SYNRG: variants seen among roughly 807,000 people sequenced by gnomAD.
The protein encoded by SYNRG is synergin gamma, also known as AP1 gamma subunit binding protein 1.
SYNRG carries 37 observed loss-of-function variants against 130.9 expected under a neutral mutation model. The ratio of observed to expected loss-of-function variants is 0.28; its 90% CI spans 0.22 to 0.37. The LOEUF (loss-of-function observed/expected upper bound fraction) is 0.37. Among genes scored for constraint, SYNRG ranks in the 10% least tolerant of loss-of-function variants. The pLI, the probability that SYNRG is intolerant of heterozygous loss-of-function variation, is 1.00. For synonymous variants in SYNRG, 539 were observed against 568.1 expected, an observed-to-expected ratio of 0.95 and a Z score of 0.73; for missense variants, 1,338 against 1,588.9, an observed-to-expected ratio of 0.84 and a Z score of 2.68.
At chr17:37,606,010 G>A (rs901067502) in intron 1 of SYNRG, 12 of 984,864 alleles carry the variant, frequency 1.2e-5, no homozygotes, top group African/African-American at 3.5e-5. Context: ...GGACCATTAC[G>A]CAATAATTAA....
At chr17:37,562,179 C>T (rs2059583960) in intron 11 of SYNRG, among the ~76,000 whole-genome samples, 1 of 152,178 alleles carries the variant, frequency 6.6e-6, no homozygotes, top group South Asian at 2.1e-4. Flanking sequence ...TGATAAGCTG[C>T]CATAGAGTTA....
At chr17:37,540,172 AT>A (rs1478033477) in intron 16 of SYNRG, among the ~76,000 whole-genome samples, 23 of 152,196 alleles carry the variant, frequency 1.5e-4, no homozygotes, top group Admixed American at 6.5e-5. Flanking sequence ...AGGGTCACTG[AT>A]TAGTTTCAGT....
At chr17:37,586,071 G>A (rs965580525) in intron 4 of SYNRG, among the ~76,000 whole-genome samples, 4 of 152,078 alleles carry the variant, frequency 2.6e-5, no homozygotes, top group Non-Finnish European at 5.9e-5. Flanking sequence ...ACGGCTGACT[G>A]CAGCCTCAAC....
rs1198179384 is a variant in SYNRG at position 37,561,452 on chromosome 17, G to T, written c.1600+19C>A. Reference sequence around the variant, plus strand: ...TGCAATTTAGCATTCACAAGTTTATGAATTTACCAACTTTTTACCTCCAGG... The same window carrying T: ...TGCAATTTAGCATTCACAAGTTTATTAATTTACCAACTTTTTACCTCCAGG... On this transcript the variant is annotated intron_variant, in intron 12 of 21. Transcript: ENST00000612223. The T allele has an allele frequency of 1.9e-6, 3 of 1,596,716 alleles. No homozygotes were observed. Among genetic ancestry groups the T allele is most frequent in the Non-Finnish European group, 2.6e-6 (3 of 1,164,644 alleles).
At position 37,553,155 on chromosome 17, in the gene SYNRG, C is replaced by T; in HGVS notation, c.2568G>A (p.Leu856=). Residue 856 remains leucine, a synonymous_variant, in exon 14 of 22, where the codon TTG becomes TTA. Transcript: ENST00000612223. ...GCTGGCCACTAACTGTTGGTAAATC[C>T]AAAGAGCTATCAGACATGACATGCT... The part of the protein sequence containing the change: ...DLKHVMSDSS[L]DLPTVSGQHP... The T allele has an allele frequency of 6.2e-7, 1 of 1,613,894 alleles. No homozygotes were observed. Among genetic ancestry groups the T allele is most frequent in the Non-Finnish European group, 8.5e-7 (1 of 1,179,968 alleles).
At chr17:37,550,868 C>T (rs1338660900) in intron 14 of SYNRG, among the ~76,000 whole-genome samples, 3 of 152,226 alleles carry the variant, frequency 2.0e-5, no homozygotes, top group Middle Eastern at 3.4e-3. Context: ...AATGACTGCA[C>T]GTCAAGATGC....
chr17:37,565,130 G>A (rs2059828287), intron 11 of SYNRG, among the ~76,000 whole-genome samples: 1 of 152,150 alleles, frequency 6.6e-6, no homozygotes, highest in African/African-American at 2.4e-5. Context: ...TGGGTGTAGT[G>A]GCGCGTGCCT....
chr17:37,542,184 T>C lies in SYNRG; in HGVS notation c.2990A>G (p.Glu997Gly), dbSNP rs1400697005. 1 of 1,614,110 alleles carries C rather than the reference T, an allele frequency of 6.2e-7. No homozygotes were observed. The highest frequency in any genetic ancestry group is 8.5e-7 in the Non-Finnish European group (1 of 1,180,056). The stretch of plus-strand genomic sequence containing the variant: ...GGGACACGTGGCCTCCTGGCTCCGT[T>C]CAGCCGTAGGCAGGTCCTGTTTTGT... ...DFTKQDLPTA[E>G]RSQEATCPSP... The change falls in exon 15 of 22, where the codon GAA (glutamate) becomes GGA (glycine). Residue 997 changes from glutamate to glycine, a missense_variant. Coordinates refer to ENST00000612223, the MANE Select transcript of SYNRG (RefSeq NM_007247.6).
At chr17:37,570,945 G>A in intron 9 of SYNRG, 60 bp from the exon 10 acceptor site, 1 of 1,530,540 alleles carries the variant, frequency 6.5e-7, no homozygotes, top group Non-Finnish European at 8.8e-7. Flanking sequence ...GTCGAAATCT[G>A]GCAGAGACCG....
intron 3 of SYNRG, among the ~76,000 whole-genome samples, chr17:37,587,254 C>T (rs1427549964): frequency 6.6e-6 from 1 of 152,190 alleles, no homozygotes; most frequent in Non-Finnish European, 1.5e-5. Flanking sequence ...TCAAGAGATC[C>T]TCCCGCCTCA....
At chr17:37,554,207 C>T (rs2058929144) in intron 13 of SYNRG, 148 bp from the exon 14 acceptor site, 1 of 678,452 alleles carries the variant, frequency 1.5e-6, no homozygotes, top group Non-Finnish European at 2.3e-6. Context: ...TAAACCCTAT[C>T]GAACTACACA....
chr17:37,608,236 A>G (rs927453885), intron 1 of SYNRG, among the ~76,000 whole-genome samples: 2 of 152,148 alleles, frequency 1.3e-5, no homozygotes, highest in African/African-American at 2.4e-5. Context: ...GCAAGAGGTG[A>G]TAACTTTAAG....
chr17:37,576,479 T>C, intron 7 of SYNRG, 61 bp from the exon 8 acceptor site: 1 of 1,499,610 alleles, frequency 6.7e-7, no homozygotes, highest in Non-Finnish European at 9.1e-7. Flanking sequence ...GAAATCACAC[T>C]GAGTCATGGT....
Position 37,596,249 on chromosome 17 carries a change from T to C in SYNRG, c.214A>G (p.Met72Val). The C allele has an allele frequency of 1.2e-6, 2 of 1,614,032 alleles. No individual in the cohort carries two copies. Among genetic ancestry groups the C allele is most frequent in the East Asian group, 4.5e-5 (2 of 44,886 alleles). ...GIMGMNYSSQ[M>V]SQGPIAMQAG... ...TGCATAGCAATAGGTCCTTGGGACA[T>C]CTGAGAGCTGTAATTCATTCCCATA... The change falls in exon 3 of 22, where the codon ATG (methionine) becomes GTG (valine). Residue 72 changes from methionine to valine, a missense_variant. Around this residue, in one of 3 missense-constraint regions of SYNRG, gnomAD observed 184 missense variants for 217.2 expected, o/e 0.85. Transcript: ENST00000612223.
At chr17:37,550,318 T>C (rs1297149997) in intron 14 of SYNRG, among the ~76,000 whole-genome samples, 4 of 152,208 alleles carry the variant, frequency 2.6e-5, no homozygotes, top group African/African-American at 7.2e-5. Context: ...CTTACATTAA[T>C]GGAATTATAA....
At chr17:37,545,791 C>A (rs942061702) in intron 14 of SYNRG, among the ~76,000 whole-genome samples, 4 of 152,096 alleles carry the variant, frequency 2.6e-5, no homozygotes, top group African/African-American at 4.8e-5. Context: ...TAAAATCAAG[C>A]CTCAAAATTG....
chr17:37,592,124 A>G (rs534321334), intron 3 of SYNRG, among the ~76,000 whole-genome samples: 1 of 152,350 alleles, frequency 6.6e-6, no homozygotes, highest in South Asian at 2.1e-4. Context: ...AAATGCAATT[A>G]GAAAATGGTC....
At chr17:37,570,967 A>C in intron 9 of SYNRG, 82 bp from the exon 10 acceptor site, 2 of 1,494,322 alleles carry the variant, frequency 1.3e-6, no homozygotes, top group African/African-American at 2.8e-5. Flanking sequence ...AAGGTAAAAA[A>C]ATCTGTAGCC....
intron 3 of SYNRG, among the ~76,000 whole-genome samples, chr17:37,588,258 CTTTTTTTT>C (rs35767898): frequency 9.7e-6 from 1 of 103,206 alleles, no homozygotes; most frequent in African/African-American, 3.9e-5. Context: ...ACTTTAAATT[CTTTTTTTT>C]TTTTTTTTTT....
Sources: gnomAD v4.1 joint callset for allele counts (sites outside exome capture counted in the v4.1 genomes callset) on GRCh38, gnomAD v4.1.1 for gene constraint, gnomAD v4.1.1 regional missense constraint, MANE v1.5 for transcripts, NCBI Gene and HGNC (gene_info 2026-07-23, HGNC 2026-07-21) for gene names.